THSD4: variants seen among roughly 807,000 people sequenced by gnomAD.
THSD4 encodes thrombospondin type-1 domain-containing protein 4.
A neutral mutation model predicts 119.0 loss-of-function variants in THSD4; 69 were observed. The ratio of observed to expected loss-of-function variants is 0.58; its 90% CI spans 0.48 to 0.71. The LOEUF (loss-of-function observed/expected upper bound fraction) is 0.71, where lower values mean the gene tolerates loss of function less well. Among genes scored for constraint, THSD4 ranks in the 30% least tolerant of loss-of-function variants. The probability of loss-of-function intolerance (pLI) is 0.00; values close to 1 mark genes in which losing one functional copy is unlikely to be tolerated. For missense variants in THSD4, 1,393 were observed against 1,391.1 expected, an observed-to-expected ratio of 1.00 and a Z score of -0.02; for synonymous variants, 524 against 540.4, an observed-to-expected ratio of 0.97 and a Z score of 0.42.
intron 6 of THSD4, among the ~76,000 whole-genome samples, chr15:71,367,258 TAC>T (rs2045978061): frequency 6.6e-6 from 1 of 152,076 alleles, no homozygotes; most frequent in African/African-American, 2.4e-5. Flanking sequence ...ATTGTTAAAT[TAC>T]AGAGTCTAAA....
chr15:71,174,759 C>T (rs567494607), intron 3 of THSD4, among the ~76,000 whole-genome samples: 2 of 151,670 alleles, frequency 1.3e-5, no homozygotes, highest in South Asian at 4.2e-4. Context: ...TTGAAGAGAG[C>T]AGGGGTTCTC....
intron 8 of THSD4, among the ~76,000 whole-genome samples, chr15:71,679,414 T>A (rs1223579576): frequency 2.5e-4 from 38 of 152,278 alleles, no homozygotes. Context: ...ATAGACAATA[T>A]GTGAATGAAT....
At chr15:71,151,401 C>T (rs2040721421) in intron 2 of THSD4, among the ~76,000 whole-genome samples, 1 of 151,386 alleles carries the variant, frequency 6.6e-6, no homozygotes. Flanking sequence ...TTAACAAAAC[C>T]ACACCAATCT....
intron 7 of THSD4, among the ~76,000 whole-genome samples, chr15:71,535,684 C>T (rs945731797): frequency 6.6e-6 from 1 of 152,168 alleles, no homozygotes; most frequent in South Asian, 2.1e-4. Flanking sequence ...CCTAATGACT[C>T]TTGATGTTGA....
intron 8 of THSD4, among the ~76,000 whole-genome samples, chr15:71,693,716 T>A (rs1224503068): frequency 1.3e-5 from 2 of 152,118 alleles, no homozygotes; most frequent in African/African-American, 4.8e-5. Context: ...TGGAGGCGGT[T>A]TCCCCTATGC....
chr15:71,235,772 G>A (rs564453175), intron 4 of THSD4, among the ~76,000 whole-genome samples: 2 of 151,988 alleles, frequency 1.3e-5, no homozygotes, highest in Admixed American at 6.6e-5. Context: ...TGTGTTTTTA[G>A]TAGAGATGGG....
At position 71,535,213 on chromosome 15, in the gene THSD4, A is replaced by G. The variant is rs531765457; in HGVS notation, c.1152+123390A>G. Among the ~76,000 whole-genome samples the G allele has an allele frequency of 8.5e-4, 129 of 152,318 alleles. 1 individual carries two copies. Among genetic ancestry groups the G allele is most frequent in the Non-Finnish European group, 1.5e-3 (100 of 68,032 alleles). On this transcript the variant is annotated intron_variant, in intron 7 of 17. Coordinates refer to ENST00000261862, the MANE Select transcript of THSD4 (RefSeq NM_024817.3). Reference sequence around the variant, plus strand: ...CATTTGCCTATACTGGACATTTCATATAAATGGAATCATTTAACGAATGGT... The same window carrying G: ...CATTTGCCTATACTGGACATTTCATGTAAATGGAATCATTTAACGAATGGT...
At chr15:71,755,027 C>A (rs1473515874) in intron 14 of THSD4, among the ~76,000 whole-genome samples, 1 of 152,200 alleles carries the variant, frequency 6.6e-6, no homozygotes, top group Non-Finnish European at 1.5e-5. Flanking sequence ...GTCAACTCCC[C>A]ATCTCCAGTG....
At chr15:71,634,398 C>A (rs529741335) in intron 7 of THSD4, among the ~76,000 whole-genome samples, 23 of 152,270 alleles carry the variant, frequency 1.5e-4, no homozygotes, top group African/African-American at 5.5e-4. Context: ...GCTTCTAGCT[C>A]AGTATCTGGG....
intron 10 of THSD4, among the ~76,000 whole-genome samples, chr15:71,735,552 A>G (rs2053069416): frequency 8.0e-6 from 1 of 125,756 alleles, no homozygotes; most frequent in Non-Finnish European, 1.7e-5. Flanking sequence ...CTCTCTCTTT[A>G]TTGCTCTCTG....
intron 6 of THSD4, among the ~76,000 whole-genome samples, chr15:71,391,416 G>A (rs754073418): frequency 2.0e-5 from 3 of 152,180 alleles, no homozygotes; most frequent in Non-Finnish European, 4.4e-5. Flanking sequence ...AGCCTCAAGC[G>A]ATCCTCCTGC....
At position 71,486,887 on chromosome 15, in the gene THSD4, G is replaced by T. The variant is rs150603072; in HGVS notation, c.1152+75064G>T. On this transcript the variant is annotated intron_variant, in intron 7 of 17. Transcript: ENST00000261862. ...AATATTTTGAATTTGCCTTTTCGGG[G>T]TCCTGCAAAACCAGGATTTATGTTA... Among the ~76,000 whole-genome samples, 1,258 of 152,184 alleles carry T rather than the reference G, an allele frequency of 8.3e-3. 19 individuals are homozygous for T. Among genetic ancestry groups the T allele is most frequent in the African/African-American group, 0.027 (1,127 of 41,500 alleles).
At chr15:71,745,331 T>C (rs2053315150) in intron 12 of THSD4, 96 bp downstream of exon 12, 13 of 1,469,656 alleles carry the variant, frequency 8.8e-6, no homozygotes, top group Non-Finnish European at 1.2e-5. Flanking sequence ...AGTCTAAATC[T>C]GAGTTAGAAA....
At chr15:71,521,355 A>G (rs2048438180) in intron 7 of THSD4, among the ~76,000 whole-genome samples, 1 of 152,226 alleles carries the variant, frequency 6.6e-6, no homozygotes, top group Non-Finnish European at 1.5e-5. Context: ...TTTAAAAGAA[A>G]TTGTTTAAAT....
intron 7 of THSD4, among the ~76,000 whole-genome samples, chr15:71,459,670 C>T (rs1239678960): frequency 6.6e-6 from 1 of 151,786 alleles, no homozygotes; most frequent in Non-Finnish European, 1.5e-5. Flanking sequence ...GACCCAGAAC[C>T]CTCATATTAA....
chr15:71,390,176 C>G (rs1243690975), intron 6 of THSD4, among the ~76,000 whole-genome samples: 1 of 152,142 alleles, frequency 6.6e-6, no homozygotes, highest in Non-Finnish European at 1.5e-5. Flanking sequence ...GCAGGAAATG[C>G]TCACATTGGC....
At chr15:71,594,487 T>A (rs901139682) in intron 7 of THSD4, among the ~76,000 whole-genome samples, 1 of 152,180 alleles carries the variant, frequency 6.6e-6, no homozygotes, top group Non-Finnish European at 1.5e-5. Flanking sequence ...CTGGGATTTC[T>A]GCCCTCTGTG....
intron 1 of THSD4, among the ~76,000 whole-genome samples, chr15:71,103,612 A>C (rs1372015650): frequency 6.6e-6 from 1 of 152,066 alleles, no homozygotes; most frequent in Non-Finnish European, 1.5e-5. Flanking sequence ...AAAAGGAAGA[A>C]AGATTTGCCA....
chr15:71,268,177 G>A (rs375465492), intron 6 of THSD4, among the ~76,000 whole-genome samples: 3 of 152,096 alleles, frequency 2.0e-5, no homozygotes, highest in East Asian at 3.9e-4. Context: ...GCACCACATC[G>A]GACCTATTTT....
Sources: allele counts gnomAD v4.1 joint callset (sites outside exome capture counted in the v4.1 genomes callset), GRCh38; gene constraint gnomAD v4.1.1; transcripts MANE v1.5; gene names NCBI Gene and HGNC (gene_info 2026-07-23, HGNC 2026-07-21).